Variants in MGAT4D observed in about 807,000 individuals in gnomAD.
The protein encoded by MGAT4D is MGAT4 family member D, also known as alpha-1,3-mannosyl-glycoprotein 4-beta-N-acetylglucosaminyltransferase-like protein MGAT4D.
In MGAT4D, 34 loss-of-function variants were observed where a neutral mutation model predicts 15.9. The observed-to-expected ratio is 2.14, with a 90% CI of 1.62 to 2.84. The LOEUF is 2.84. MGAT4D is among the 30% of genes most tolerant of loss of function. The pLI is 0.00. For missense variants in MGAT4D, 327 were observed against 140.2 expected, an observed-to-expected ratio of 2.33 and a Z score of -6.73; for synonymous variants, 112 against 48.2, an observed-to-expected ratio of 2.33 and a Z score of -5.49.
chr4:140,485,583 A>T (rs970583622), intron 1 of MGAT4D, among the ~76,000 whole-genome samples: 4 of 151,360 alleles, frequency 2.6e-5, no homozygotes, highest in Admixed American at 6.6e-5. Flanking sequence ...AAATTTTATT[A>T]AAAAAATTAA....
chr4:140,497,102 G>C (rs918450681), intron 1 of MGAT4D, among the ~76,000 whole-genome samples: 6 of 152,120 alleles, frequency 3.9e-5, no homozygotes, highest in African/African-American at 1.4e-4. Flanking sequence ...ATAAAATCTA[G>C]TATTAACTGG....
intron 1 of MGAT4D, among the ~76,000 whole-genome samples, chr4:140,494,773 G>A (rs994508688): frequency 3.3e-5 from 5 of 152,074 alleles, no homozygotes; most frequent in Admixed American, 6.5e-5. Context: ...CTGTCACAAC[G>A]GGAGAGGGGG....
chr4:140,487,215 A>G (rs1733200989), intron 1 of MGAT4D, among the ~76,000 whole-genome samples: 1 of 152,240 alleles, frequency 6.6e-6, no homozygotes, highest in African/African-American at 2.4e-5. Context: ...AGTGAGGATG[A>G]AATGTTATAA....
intron 9 of MGAT4D, among the ~76,000 whole-genome samples, chr4:140,452,838 C>T (rs530089819): frequency 6.6e-6 from 1 of 152,166 alleles, no homozygotes; most frequent in African/African-American, 2.4e-5. Context: ...AGGTCCTGAA[C>T]ATTTTTTCTA....
intron 10 of MGAT4D, among the ~76,000 whole-genome samples, chr4:140,450,556 A>G (rs1730408478): frequency 6.6e-6 from 1 of 152,210 alleles, no homozygotes; most frequent in Non-Finnish European, 1.5e-5. Context: ...CTGAGTTCAC[A>G]TTATGTTCTA....
intron 4 of MGAT4D, among the ~76,000 whole-genome samples, chr4:140,473,339 A>G (rs1732099004): frequency 1.3e-5 from 2 of 152,162 alleles, no homozygotes; most frequent in Admixed American, 6.5e-5. Context: ...AAGGTATTTT[A>G]TCAGCCTCTT....
chr4:140,479,552 G>T lies in MGAT4D; in HGVS notation c.329C>A (p.Pro110His). The change falls in exon 3 of 11, where the codon CCT becomes CAT. Residue 110 changes from proline to histidine, a missense_variant. Transcript: ENST00000511113. The part of the protein sequence containing the change: ...NTFEDLKFFF[P>H]HLRKEGRIYP... ...AATTCTACCTTCTTTCCTTAGATGA[G>T]GAAAAAAGAACTTTAAGTCTTCAAA... 1.8e-6 allele frequency: 1 copy of T among 551,294 alleles called. No individual in the cohort carries two copies. Among genetic ancestry groups the T allele is most frequent in the Non-Finnish European group, 3.2e-6 (1 of 311,140 alleles). The allele number at this position is 551,294 out of a possible 1,614,324, so 34.2% of individuals were successfully genotyped here.
chr4:140,462,092 A>C, intron 6 of MGAT4D, 88 bp from the exon 7 acceptor site: 1 of 630,834 alleles, frequency 1.6e-6, no homozygotes. Context: ...ACTCTTTGGC[A>C]GTTTACTAAC....
intron 7 of MGAT4D, among the ~76,000 whole-genome samples, chr4:140,460,071 T>G (rs1280100539): frequency 6.6e-6 from 1 of 152,126 alleles, no homozygotes; most frequent in Non-Finnish European, 1.5e-5. Flanking sequence ...CACACCCTGC[T>G]CCATGTTTGA....
At chr4:140,458,389 T>C (rs1454169466) in intron 8 of MGAT4D, 1 of 152,128 alleles carries the variant, frequency 6.6e-6, no homozygotes, top group African/African-American at 2.4e-5. Context: ...CCACATGACA[T>C]TTAACAAAAG....
intron 9 of MGAT4D, among the ~76,000 whole-genome samples, chr4:140,455,428 T>C (rs1730735327): frequency 6.6e-6 from 1 of 152,252 alleles, no homozygotes; most frequent in Admixed American, 6.5e-5. Flanking sequence ...TACAAGAACA[T>C]ACATTAAAAA....
rs1439788626 is a variant in MGAT4D at position 140,482,434 on chromosome 4, A to G, written c.146T>C (p.Met49Thr). The change falls in exon 2 of 11, where the codon ATG becomes ACG. Residue 49 changes from methionine (M) to threonine (T), a missense_variant. Physicochemically the swap from Met to Thr is moderately conservative, Grantham distance 81. Transcript: ENST00000511113. ...RNHILEFKEN[M>T]LHLRNKTEKN... is the part of the protein sequence containing the mutation. ...TTCAGTTTTGTTTCTTAAGTGTAGCATATTTTCTTTAAACTCCAAAATATG... is the reference window on the plus strand; with the variant it reads ...TTCAGTTTTGTTTCTTAAGTGTAGCGTATTTTCTTTAAACTCCAAAATATG... 1.6e-6 allele frequency: 1 copy of G among 638,906 alleles called. No individual in the cohort carries two copies. Among genetic ancestry groups the G allele is most frequent in the Admixed American group, 2.8e-5 (1 of 35,846 alleles). 39.6% of individuals were successfully genotyped at this position (638,906 alleles called of 1,614,324 possible). A position where few individuals can be genotyped will look rare whatever the true frequency, so the allele number is the denominator to read the frequency against.
chr4:140,459,991 C>G (rs975619481), intron 7 of MGAT4D, among the ~76,000 whole-genome samples: 1 of 151,892 alleles, frequency 6.6e-6, no homozygotes, highest in Non-Finnish European at 1.5e-5. Flanking sequence ...CCTTGGCCTC[C>G]CAACTCCTGG....
At chr4:140,458,322 G>T (rs1730941722) in intron 8 of MGAT4D, 3 of 152,152 alleles carry the variant, frequency 2.0e-5, no homozygotes, top group Admixed American at 6.5e-5. Context: ...TCCAGATTTA[G>T]TTCACTTGTA....
intron 6 of MGAT4D, chr4:140,462,592 A>G (rs1018480867): frequency 6.6e-6 from 1 of 152,230 alleles, no homozygotes; most frequent in Non-Finnish European, 1.5e-5. Context: ...AAGAAACCCA[A>G]TGTTAACTCC....
At chr4:140,472,348 T>C (rs2126784029) in intron 4 of MGAT4D, among the ~76,000 whole-genome samples, 1 of 152,304 alleles carries the variant, frequency 6.6e-6, no homozygotes, top group South Asian at 2.1e-4. Context: ...CTAGATTAGA[T>C]GACAGACTCC....
chr4:140,478,860 CA>C (rs1335892263), intron 3 of MGAT4D, among the ~76,000 whole-genome samples: 1 of 151,754 alleles, frequency 6.6e-6, no homozygotes, highest in Non-Finnish European at 1.5e-5. Context: ...GCCATTGGAG[CA>C]CAAAAGCAGA....
chr4:140,458,253 A>T (rs1482284422), intron 8 of MGAT4D: 2 of 152,196 alleles, frequency 1.3e-5, no homozygotes, highest in Non-Finnish European at 2.9e-5. Flanking sequence ...GCCAAATGTG[A>T]GTGATAAGTG....
chr4:140,491,010 A>C (rs558518246), intron 1 of MGAT4D, among the ~76,000 whole-genome samples: 5 of 152,218 alleles, frequency 3.3e-5, no homozygotes, highest in Non-Finnish European at 5.9e-5. Flanking sequence ...GTCAAATACC[A>C]ATTCTTACAT....
Sources: gnomAD v4.1 joint callset for allele counts (sites outside exome capture counted in the v4.1 genomes callset) on GRCh38, gnomAD v4.1.1 for gene constraint, MANE v1.5 for transcripts, NCBI Gene and HGNC (gene_info 2026-07-23, HGNC 2026-07-21) for gene names.